The following FHOD3 variants were observed in gnomAD, a reference collection of about 807,000 sequenced individuals.
The protein encoded by FHOD3 is formin homology 2 domain containing 3, also known as FH1/FH2 domain-containing protein 3.
FHOD3 carries 90 observed loss-of-function variants against 173.0 expected under a neutral mutation model. That is an observed-to-expected ratio of 0.52 (90% CI 0.44 to 0.62). The LOEUF is 0.62. Ranked by LOEUF, FHOD3 falls within the 20% of genes least tolerant of loss-of-function variation. The pLI, the probability that FHOD3 is intolerant of heterozygous loss-of-function variation, is 0.00. For missense variants in FHOD3, 1,945 were observed against 2,034.7 expected, an observed-to-expected ratio of 0.96 and a Z score of 0.85; for synonymous variants, 828 against 823.0, an observed-to-expected ratio of 1.01 and a Z score of -0.10.
At chr18:36,666,798 G>T (rs546939530) in intron 14 of FHOD3, among the ~76,000 whole-genome samples, 1 of 152,180 alleles carries the variant, frequency 6.6e-6, no homozygotes, top group South Asian at 2.1e-4. Context: ...AAATTGACAC[G>T]CAAGAAACAG....
intron 3 of FHOD3, among the ~76,000 whole-genome samples, chr18:36,418,166 A>C (rs571550242): frequency 6.6e-6 from 1 of 152,356 alleles, no homozygotes; most frequent in South Asian, 2.1e-4. Flanking sequence ...GAATTTGGAA[A>C]TGCTGTGGCT....
At chr18:36,693,133 T>C in intron 16 of FHOD3, 76 bp from the exon 17 acceptor site, 1 of 1,399,166 alleles carries the variant, frequency 7.1e-7, no homozygotes, top group Non-Finnish European at 9.9e-7. Flanking sequence ...ATTCTGCAGG[T>C]GTTTCATCCA....
At chr18:36,771,124 A>G (rs962652447) in intron 28 of FHOD3, among the ~76,000 whole-genome samples, 12 of 152,246 alleles carry the variant, frequency 7.9e-5, no homozygotes, top group African/African-American at 2.6e-4. Context: ...TCGCAACTCA[A>G]AGTTGAACCT....
chr18:36,369,707 T>G (rs1032468202), intron 2 of FHOD3, among the ~76,000 whole-genome samples: 6 of 152,306 alleles, frequency 3.9e-5, no homozygotes, highest in Non-Finnish European at 7.4e-5. Context: ...TTTTACATAT[T>G]GCATAATTTG....
intron 3 of FHOD3, among the ~76,000 whole-genome samples, chr18:36,380,543 C>CTTTCTTTTCTTTTCTTTTCTTTTCT (rs1157752890): frequency 8.4e-6 from 1 of 119,482 alleles, no homozygotes; most frequent in African/African-American, 3.5e-5. Flanking sequence ...CTTTCTCTCT[C>CTTTCTTTTCTTTTCTTTTCTTTTCT]TTTCTTTTGT....
intron 1 of FHOD3, among the ~76,000 whole-genome samples, chr18:36,302,522 C>T (rs1347328424): frequency 1.3e-5 from 2 of 152,210 alleles, no homozygotes; most frequent in Non-Finnish European, 2.9e-5. Context: ...TGGGGGTTCT[C>T]ACTGTCTCCC....
intron 14 of FHOD3, among the ~76,000 whole-genome samples, chr18:36,666,147 C>T (rs1248071473): frequency 1.3e-5 from 2 of 152,252 alleles, no homozygotes; most frequent in African/African-American, 4.8e-5. Flanking sequence ...CTCCACAGCA[C>T]ACTGCGTGAG....
At chr18:36,588,210 T>G (rs1302993223) in intron 6 of FHOD3, among the ~76,000 whole-genome samples, 1 of 152,238 alleles carries the variant, frequency 6.6e-6, no homozygotes, top group African/African-American at 2.4e-5. Flanking sequence ...TTGGATTGTT[T>G]GATAACCAGT....
intron 10 of FHOD3, among the ~76,000 whole-genome samples, chr18:36,638,082 T>C (rs1600006380): frequency 6.6e-6 from 1 of 152,208 alleles, no homozygotes; most frequent in South Asian, 2.1e-4. Context: ...TCAGTAGTAG[T>C]ATAAGCATAC....
chr18:36,717,981 A>T lies in FHOD3; in HGVS notation c.2683A>T (p.Thr895Ser), dbSNP rs1346784828. ...GAAGGGGGATGGGGAGGCTGGGAGG[A>T]CCCAGCAGGAGGCAGAGGCGGTAGC... Reference protein sequence around the residue: ...EEKGDGEAGRTQQEAEAVASL... With the variant: ...EEKGDGEAGRSQQEAEAVASL... Residue 895 changes from threonine (T) to serine (S), a missense_variant, in exon 19 of 29, where the codon ACC (threonine) becomes TCC (serine). Transcript: ENST00000590592. The T allele has an allele frequency of 6.2e-7, 1 of 1,613,542 alleles. No homozygotes were observed. The highest frequency in any genetic ancestry group is 8.5e-7 in the Non-Finnish European group (1 of 1,179,764).
chr18:36,441,274 T>G (rs2051130661), intron 3 of FHOD3, among the ~76,000 whole-genome samples: 1 of 152,184 alleles, frequency 6.6e-6, no homozygotes, highest in Non-Finnish European at 1.5e-5. Flanking sequence ...AGGACCTGCA[T>G]GAGCCAGGCA....
chr18:36,726,942 G>T (rs2041107167), intron 19 of FHOD3, among the ~76,000 whole-genome samples: 1 of 152,172 alleles, frequency 6.6e-6, no homozygotes, highest in South Asian at 2.1e-4. Context: ...CAAAGTGCTG[G>T]GATTACAGGC....
intron 3 of FHOD3, among the ~76,000 whole-genome samples, chr18:36,474,034 G>C (rs897357109): frequency 6.6e-6 from 1 of 152,210 alleles, no homozygotes; most frequent in Non-Finnish European, 1.5e-5. Context: ...GGTTCTCTAA[G>C]TAGTTGATTC....
At chr18:36,749,625 G>T (rs1356763284) in intron 24 of FHOD3, among the ~76,000 whole-genome samples, 1 of 152,150 alleles carries the variant, frequency 6.6e-6, no homozygotes, top group Admixed American at 6.5e-5. Context: ...TGTGATTAGT[G>T]CTACAATGAA....
chr18:36,711,406 A>T (rs1028962238), intron 18 of FHOD3: 1 of 152,226 alleles, frequency 6.6e-6, no homozygotes, highest in South Asian at 2.1e-4. Context: ...TCTTTGTTTA[A>T]TGTGTTCTAC....
At chr18:36,721,079 C>T (rs1009146803) in intron 19 of FHOD3, among the ~76,000 whole-genome samples, 2 of 152,178 alleles carry the variant, frequency 1.3e-5, no homozygotes, top group Admixed American at 6.5e-5. Flanking sequence ...TTTGTCTCAG[C>T]CCAAAGTTCC....
chr18:36,601,445 A>G (rs2031368133), intron 7 of FHOD3, among the ~76,000 whole-genome samples: 1 of 152,086 alleles, frequency 6.6e-6, no homozygotes. Flanking sequence ...AAATTGCTTC[A>G]GCTTAACCCA....
intron 1 of FHOD3, among the ~76,000 whole-genome samples, chr18:36,337,768 C>T (rs1020352955): frequency 2.0e-5 from 3 of 152,274 alleles, no homozygotes; most frequent in South Asian, 2.1e-4. Context: ...TTAATTATAG[C>T]TCACACCAAC....
chr18:36,357,751 T>G (rs1882955076), intron 2 of FHOD3, among the ~76,000 whole-genome samples: 2 of 152,200 alleles, frequency 1.3e-5, no homozygotes, highest in African/African-American at 2.4e-5. Flanking sequence ...TCTAATTGGA[T>G]GACTTCATGG....
Sources: allele counts gnomAD v4.1 joint callset (sites outside exome capture counted in the v4.1 genomes callset), GRCh38; gene constraint gnomAD v4.1.1; transcripts MANE v1.5; gene names NCBI Gene and HGNC (gene_info 2026-07-23, HGNC 2026-07-21).